Variants in UBXN2A observed in about 807,000 individuals in gnomAD.
The protein encoded by UBXN2A is UBX domain protein 2A.
A neutral mutation model predicts 28.4 loss-of-function variants in UBXN2A; 28 were observed. The ratio of observed to expected loss-of-function variants is 0.99; its 90% CI spans 0.73 to 1.35. UBXN2A has a LOEUF of 1.35. Ranked by LOEUF, UBXN2A falls within the 40% of genes most tolerant of loss-of-function variation. The pLI is 0.00. For synonymous variants in UBXN2A, 97 were observed against 103.6 expected, an observed-to-expected ratio of 0.94 and a Z score of 0.39; for missense variants, 253 against 297.9, an observed-to-expected ratio of 0.85 and a Z score of 1.11.
At chr2:23,969,559 C>G (rs1238255953) in intron 2 of UBXN2A, among the ~76,000 whole-genome samples, 1 of 152,094 alleles carries the variant, frequency 6.6e-6, no homozygotes, top group African/African-American at 2.4e-5. Flanking sequence ...GACAGGGTTT[C>G]ACCACGTTGG....
intron 1 of UBXN2A, among the ~76,000 whole-genome samples, chr2:23,941,344 TA>T (rs1705748266): frequency 6.6e-6 from 1 of 152,234 alleles, no homozygotes; most frequent in Non-Finnish European, 1.5e-5. Flanking sequence ...GGGGAAACTT[TA>T]AAAGTTCATG....
chr2:23,939,174 G>A (rs139856159), upstream of UBXN2A, among the ~76,000 whole-genome samples: 29 of 152,254 alleles, frequency 1.9e-4, no homozygotes, highest in Admixed American at 1.6e-3. Context: ...AAGGACTATT[G>A]CAATAAGGGT....
At chr2:23,960,980 A>G (rs768296575) in intron 2 of UBXN2A, among the ~76,000 whole-genome samples, 2 of 151,862 alleles carry the variant, frequency 1.3e-5, no homozygotes, top group Non-Finnish European at 2.9e-5. Context: ...GACATTTCAT[A>G]TAAATGCAGT....
intron 3 of UBXN2A, among the ~76,000 whole-genome samples, chr2:23,975,501 A>G (rs909017330): frequency 5.3e-5 from 8 of 152,214 alleles, no homozygotes; most frequent in Non-Finnish European, 8.8e-5. Flanking sequence ...GACATTTTAA[A>G]AAGTGTTTGT....
upstream of UBXN2A, chr2:23,927,293 C>T (rs78332127): frequency 6.6e-6 from 1 of 152,448 alleles, no homozygotes; most frequent in African/African-American, 2.4e-5. Context: ...CCAGCTCTCC[C>T]CGACCGCAGG....
intron 6 of UBXN2A, among the ~76,000 whole-genome samples, chr2:23,990,632 A>T (rs1164660089): frequency 6.6e-6 from 1 of 151,592 alleles, no homozygotes; most frequent in Non-Finnish European, 1.5e-5. Context: ...AAATTAGCTG[A>T]GTGTGGTGGC....
chr2:23,984,353 C>A (rs534873391), intron 5 of UBXN2A, among the ~76,000 whole-genome samples: 190 of 152,132 alleles, frequency 1.2e-3, no homozygotes, highest in African/African-American at 4.4e-3. Context: ...TTAACCTGGG[C>A]AGTAGGTAAA....
chr2:23,990,973 C>G (rs1442341841), intron 6 of UBXN2A, among the ~76,000 whole-genome samples: 1 of 152,022 alleles, frequency 6.6e-6, no homozygotes, highest in Non-Finnish European at 1.5e-5. Flanking sequence ...TTTTCCTCAC[C>G]CCACTTGGCC....
upstream of UBXN2A, among the ~76,000 whole-genome samples, chr2:23,937,636 C>A (rs540847693): frequency 6.6e-6 from 1 of 152,216 alleles, no homozygotes; most frequent in South Asian, 2.1e-4. Flanking sequence ...GGAAATAAAT[C>A]AACTCCTTTT....
chr2:23,985,150 C>G (rs1349518925), intron 6 of UBXN2A, among the ~76,000 whole-genome samples: 2 of 152,132 alleles, frequency 1.3e-5, no homozygotes, highest in Non-Finnish European at 2.9e-5. Flanking sequence ...GTTGCCCACA[C>G]TGGTCTCAAA....
chr2:23,965,647 T>C (rs988703863), intron 2 of UBXN2A, among the ~76,000 whole-genome samples: 6 of 152,222 alleles, frequency 3.9e-5, no homozygotes, highest in African/African-American at 1.4e-4. Flanking sequence ...TTTTTGCATA[T>C]ATGTTCATGA....
At chr2:23,978,818 C>T (rs1041907949) in intron 4 of UBXN2A, among the ~76,000 whole-genome samples, 2 of 151,386 alleles carry the variant, frequency 1.3e-5, no homozygotes, top group African/African-American at 2.4e-5. Context: ...AAAAATTAGC[C>T]ACGCATCGTG....
intron 6 of UBXN2A, among the ~76,000 whole-genome samples, chr2:23,996,360 C>T (rs1233939436): frequency 1.3e-5 from 2 of 152,012 alleles, no homozygotes; most frequent in African/African-American, 2.4e-5. Context: ...AGTCACCATG[C>T]CCAGCCCTCT....
At chr2:23,996,911 T>TC in intron 6 of UBXN2A, 1 of 152,118 alleles carries the variant, frequency 6.6e-6, no homozygotes, top group African/African-American at 2.4e-5. Context: ...CTGGGCTGGT[T>TC]CCCCCCACCT....
intron 1 of UBXN2A, among the ~76,000 whole-genome samples, chr2:23,942,477 G>A (rs1705815907): frequency 1.4e-5 from 2 of 141,836 alleles, no homozygotes; most frequent in Admixed American, 7.7e-5. Context: ...AGGCTGGAGT[G>A]CAGCGGCACG....
chr2:23,989,799 A>G (rs2150909036), intron 6 of UBXN2A, among the ~76,000 whole-genome samples: 1 of 152,152 alleles, frequency 6.6e-6, no homozygotes, highest in South Asian at 2.1e-4. Flanking sequence ...GATACTCGGG[A>G]GGCTGAAGTA....
At chr2:23,982,291 C>T (rs552463170) in intron 4 of UBXN2A, among the ~76,000 whole-genome samples, 7 of 151,722 alleles carry the variant, frequency 4.6e-5, no homozygotes, top group East Asian at 1.9e-4. Context: ...GGCGTGAACC[C>T]GGGAGGCGGA....
intron 2 of UBXN2A, chr2:23,968,809 T>G (rs1042110348): frequency 6.6e-6 from 1 of 152,636 alleles, no homozygotes; most frequent in East Asian, 1.9e-4. Context: ...TTTATAAATT[T>G]TCCTGCATGA....
intron 1 of UBXN2A, among the ~76,000 whole-genome samples, chr2:23,932,526 T>G (rs2150783251): frequency 6.6e-6 from 1 of 151,104 alleles, no homozygotes; most frequent in South Asian, 2.1e-4. Flanking sequence ...TTCCCAACAC[T>G]GACACTAAGA....
Sources: gnomAD v4.1 joint callset for allele counts (sites outside exome capture counted in the v4.1 genomes callset) on GRCh38, gnomAD v4.1.1 for gene constraint, MANE v1.5 for transcripts, NCBI Gene and HGNC (gene_info 2026-07-23, HGNC 2026-07-21) for gene names.